DNAJC13: variants seen among roughly 807,000 people sequenced by gnomAD.
DNAJC13 encodes the protein dnaJ homolog subfamily C member 13.
DNAJC13 carries 75 observed loss-of-function variants against 290.5 expected under a neutral mutation model. That is an observed-to-expected ratio of 0.26 (90% CI 0.21 to 0.31). DNAJC13 has a LOEUF of 0.31. DNAJC13 is among the 10% of genes least tolerant of loss of function. The pLI, the probability that DNAJC13 is intolerant of heterozygous loss-of-function variation, is 1.00. For missense variants in DNAJC13, 2,260 were observed against 2,674.5 expected (o/e 0.85, Z 3.42); for synonymous variants, 862 against 892.0 (o/e 0.97, Z 0.60).
rs1933248116 is a variant in DNAJC13 at position 132,446,486 on chromosome 3, T to C, written c.80T>C (p.Val27Ala). ...GTTTTCCTTTGTAGGTATAAGCGTG[T>C]CTTTTCAGTTGGAACTCATGCGATT... Reference protein sequence around the residue: ...KHSWRGKYKRVFSVGTHAITT... With the variant: ...KHSWRGKYKRAFSVGTHAITT... The change falls in exon 3 of 56, where the codon GTC becomes GCC. Residue 27 changes from valine (V) to alanine (A), a missense_variant. Physicochemically the swap from Val to Ala is moderately conservative, Grantham distance 64. Transcript: ENST00000260818. 4.4e-6 allele frequency: 7 copies of C among 1,606,454 alleles called. No individual in the cohort carries two copies. The highest frequency in any genetic ancestry group is 1.3e-5 in the African/African-American group (1 of 74,690).
intron 21 of DNAJC13, chr3:132,474,457 A>C (rs1307217745): frequency 1.3e-5 from 2 of 152,024 alleles, no homozygotes; most frequent in Non-Finnish European, 2.9e-5. Flanking sequence ...GGCCAGGGTG[A>C]TCTCGAACGC....
intron 22 of DNAJC13, 116 bp from the exon 23 acceptor site, chr3:132,477,672 AT>A (rs576030771): frequency 1.7e-5 from 12 of 690,700 alleles, no homozygotes; most frequent in Non-Finnish European, 2.9e-5. Flanking sequence ...ACAATATTGA[AT>A]TAACAGGTAT....
At chr3:132,470,431 C>T (rs1334184486) in intron 20 of DNAJC13, among the ~76,000 whole-genome samples, 1 of 103,608 alleles carries the variant, frequency 9.7e-6, no homozygotes, top group African/African-American at 4.3e-5. Context: ...AATCTTTTCC[C>T]CACCTTTCCT....
chr3:132,477,689 G>A (rs1156484947), intron 22 of DNAJC13, 100 bp from the exon 23 acceptor site: 10 of 814,038 alleles, frequency 1.2e-5, no homozygotes, highest in Non-Finnish European at 2.0e-5. Flanking sequence ...GGTATTTTAA[G>A]AAATAAGTTT....
At position 132,528,191 on chromosome 3, in the gene DNAJC13, C is replaced by T. The variant is rs149354507; in HGVS notation, c.6384C>T (p.Ala2128=). The part of the protein sequence containing the change: ...QKEQSELVAQ[A]LKADLVPYLL... The stretch of plus-strand genomic sequence containing the variant: ...TATATGCTTAATATTTCTTCTAGGC[C>T]CTGAAAGCAGATTTGGTTCCATACC... The change falls in exon 54 of 56, where the codon GCC becomes GCT. Residue 2128 remains alanine, a splice_region_variant and synonymous_variant. Coordinates refer to ENST00000260818, the MANE Select transcript of DNAJC13 (RefSeq NM_015268.4). 4 of 1,613,546 alleles carry T rather than the reference C, an allele frequency of 2.5e-6. No homozygotes were observed. The highest frequency in any genetic ancestry group is 1.7e-6 in the Non-Finnish European group (2 of 1,179,834).
chr3:132,469,035 A>G (rs1448182221), intron 20 of DNAJC13, among the ~76,000 whole-genome samples: 2 of 152,222 alleles, frequency 1.3e-5, no homozygotes, highest in Non-Finnish European at 2.9e-5. Context: ...TTAATATAAA[A>G]GTTTTACTGG....
intron 45 of DNAJC13, 117 bp downstream of exon 45, chr3:132,513,216 C>T: frequency 1.3e-6 from 1 of 785,314 alleles, no homozygotes; most frequent in Non-Finnish European, 2.1e-6. Context: ...ATCATTTTGC[C>T]TATTAAGACA....
At chr3:132,484,719 C>T in intron 29 of DNAJC13, 47 bp downstream of exon 29, 1 of 1,523,258 alleles carries the variant, frequency 6.6e-7, no homozygotes, top group Non-Finnish European at 9.1e-7. Context: ...ATCATTTTCT[C>T]TGAATTTTAT....
rs1471848382 is a variant in DNAJC13 at position 132,471,240 on chromosome 3, G to A, written c.2209-1905G>A. On this transcript the variant is annotated intron_variant, in intron 20 of 55. Coordinates refer to ENST00000260818, the MANE Select transcript of DNAJC13 (RefSeq NM_015268.4). ...CCGGACGGGGCGGCTGGCCGGGCGG[G>A]GGGCTGACCCCCCCACCTCCCTCCC... Among the ~76,000 whole-genome samples, 25 of 134,964 alleles carry A rather than the reference G, an allele frequency of 1.9e-4. No individual in the cohort carries two copies. The East Asian group carries it at 2.1e-3, about 11-fold the overall frequency. 88.5% of individuals were successfully genotyped at this position (134,964 alleles called of 152,430 possible). A position where few individuals can be genotyped will look rare whatever the true frequency, so the allele number is the denominator to read the frequency against.
Position 132,530,989 on chromosome 3 carries a change from C to CT in DNAJC13, c.6526-6dup. ...TTTTATGTTCAAAGGGCTTGTTTTA[C>CT]TTTCCTAGGTGAATGAAATCCTGTG... On this transcript the variant is annotated splice_polypyrimidine_tract_variant and intron_variant, in intron 54 of 55. Transcript: ENST00000260818. The CT allele has an allele frequency of 6.2e-7, 1 of 1,611,666 alleles. No homozygotes were observed. The highest frequency in any genetic ancestry group is 1.1e-5 in the South Asian group (1 of 90,908).
intron 55 of DNAJC13, among the ~76,000 whole-genome samples, chr3:132,535,836 A>T (rs1332063825): frequency 1.3e-5 from 2 of 152,132 alleles, no homozygotes; most frequent in Non-Finnish European, 2.9e-5. Context: ...TTCTGTGCAA[A>T]TGACCAGGCA....
intron 22 of DNAJC13, among the ~76,000 whole-genome samples, chr3:132,477,481 T>C (rs1351480099): frequency 2.0e-5 from 3 of 152,242 alleles, no homozygotes; most frequent in East Asian, 1.9e-4. Context: ...GAGCAAATCA[T>C]GTGTGATGCA....
chr3:132,530,060 A>G (rs935228622), intron 54 of DNAJC13, among the ~76,000 whole-genome samples: 1 of 148,654 alleles, frequency 6.7e-6, no homozygotes, highest in African/African-American at 2.6e-5. Context: ...AGGGGAGGAA[A>G]GAGGTATAGT....
intron 22 of DNAJC13, 149 bp downstream of exon 22, chr3:132,475,234 A>G: frequency 1.9e-6 from 1 of 520,754 alleles, no homozygotes; most frequent in East Asian, 3.6e-5. Flanking sequence ...GAAAACTTTA[A>G]TCTGTGTGTC....
At chr3:132,435,907 T>C (rs1234412549) in intron 2 of DNAJC13, among the ~76,000 whole-genome samples, 1 of 152,234 alleles carries the variant, frequency 6.6e-6, no homozygotes, top group Non-Finnish European at 1.5e-5. Flanking sequence ...TCAAAATTTT[T>C]GGTAATGTTC....
intron 2 of DNAJC13, among the ~76,000 whole-genome samples, chr3:132,445,501 G>T (rs575599306): frequency 1.3e-5 from 2 of 151,676 alleles, no homozygotes; most frequent in Non-Finnish European, 2.9e-5. Context: ...CTCAGTTTTC[G>T]GCAACAATTT....
chr3:132,443,005 A>G (rs1410666714), intron 2 of DNAJC13, among the ~76,000 whole-genome samples: 2 of 152,200 alleles, frequency 1.3e-5, no homozygotes, highest in Non-Finnish European at 2.9e-5. Flanking sequence ...TGTTTTATCT[A>G]GCTATTAAGC....
At chr3:132,445,811 T>G (rs1207232518) in intron 2 of DNAJC13, among the ~76,000 whole-genome samples, 1 of 152,118 alleles carries the variant, frequency 6.6e-6, no homozygotes, top group East Asian at 1.9e-4. Flanking sequence ...TTTAAATAAG[T>G]TTTTCTAATT....
At chr3:132,423,116 G>A (rs1415662411) in intron 1 of DNAJC13, among the ~76,000 whole-genome samples, 1 of 152,140 alleles carries the variant, frequency 6.6e-6, no homozygotes, top group African/African-American at 2.4e-5. Flanking sequence ...CCTAGCTTGA[G>A]CAACCCCGTC....
Sources: gnomAD v4.1 joint callset for allele counts (sites outside exome capture counted in the v4.1 genomes callset) on GRCh38, gnomAD v4.1.1 for gene constraint, MANE v1.5 for transcripts, NCBI Gene and HGNC (gene_info 2026-07-23, HGNC 2026-07-21) for gene names.